The following KNL1 variants were observed in gnomAD, a reference collection of about 807,000 sequenced individuals.
KNL1 encodes kinetochore scaffold 1, also known as outer kinetochore KNL1 complex subunit KNL1.
In KNL1, 66 loss-of-function variants were observed where a neutral mutation model predicts 201.3. The ratio of observed to expected loss-of-function variants is 0.33; its 90% CI spans 0.27 to 0.40. The LOEUF is 0.40. Among genes scored for constraint, KNL1 ranks in the 10% least tolerant of loss-of-function variants. KNL1 has a pLI of 1.00. For missense variants in KNL1, 2,815 were observed against 2,690.5 expected (o/e 1.05, Z -1.02); for synonymous variants, 895 against 899.2 (o/e 1.00, Z 0.08).
intron 10 of KNL1, chr15:40,626,037 GA>G (rs1892743313): frequency 6.4e-6 from 1 of 156,212 alleles, no homozygotes. Context: ...TATATTTGGG[GA>G]GTAAAAAGCT....
rs1017930648 is a variant in KNL1, at chr15:40,620,803, C to G, written c.539C>G (p.Thr180Arg). 1.2e-6 allele frequency: 2 copies of G among 1,611,186 alleles called. No individual in the cohort carries two copies. The highest frequency in any genetic ancestry group is 1.7e-6 in the Non-Finnish European group (2 of 1,179,240). ...GAAAAGTCCACCAAGATAGATACCA[C>G]ATCATTTCTAGCTAATTTAAAGCTT... is the stretch of plus-strand genomic sequence containing the variant. ...ISEKSTKIDT[T>R]SFLANLKLHT... is the part of the protein sequence containing the mutation. Residue 180 changes from threonine to arginine, a missense_variant, in exon 10 of 26, where the codon ACA becomes AGA. This residue lies in a region of KNL1 where 2,464 missense variants were observed against 2,291.7 expected (regional missense o/e 1.08). Transcript: ENST00000399668.
intron 1 of KNL1, among the ~76,000 whole-genome samples, chr15:40,601,955 C>T (rs34824658): frequency 0.38 from 53,192 of 141,800 alleles, 10,634 homozygotes; most frequent in Non-Finnish European, 0.44. Context: ...GCAAGCTCCG[C>T]CTCAGCCTCC....
At chr15:40,613,653 C>G (rs1438279998) in intron 7 of KNL1, among the ~76,000 whole-genome samples, 1 of 152,110 alleles carries the variant, frequency 6.6e-6, no homozygotes, top group Non-Finnish European at 1.5e-5. Context: ...GTTGGCCAGA[C>G]TGGAGTATAA....
At chr15:40,638,972 C>T (rs1229374084) in intron 13 of KNL1, among the ~76,000 whole-genome samples, 16 of 150,676 alleles carry the variant, frequency 1.1e-4, no homozygotes, top group Admixed American at 1.3e-4. Flanking sequence ...CCACCACACC[C>T]GGCTAATTTT....
At chr15:40,614,101 CT>C (rs35400027) in intron 7 of KNL1, among the ~76,000 whole-genome samples, 216 of 132,520 alleles carry the variant, frequency 1.6e-3, no homozygotes, top group African/African-American at 3.5e-3. Context: ...CCTGGCCCCC[CT>C]TTTTTTTTTT....
intron 10 of KNL1, 124 bp downstream of exon 10, chr15:40,625,764 T>TA (rs1176962937): frequency 1.4e-6 from 1 of 695,728 alleles, no homozygotes; most frequent in East Asian, 2.7e-5. Flanking sequence ...TATTTCCACT[T>TA]AGAGGGCTGG....
At chr15:40,639,288 T>TA (rs1249027628) in intron 13 of KNL1, among the ~76,000 whole-genome samples, 189 of 141,268 alleles carry the variant, frequency 1.3e-3, no homozygotes, top group South Asian at 5.0e-3. Flanking sequence ...ACCCCATAAC[T>TA]AAAAAAAAAA....
At chr15:40,628,749 C>A in intron 12 of KNL1, 71 bp downstream of exon 12, 2 of 966,788 alleles carry the variant, frequency 2.1e-6, no homozygotes, top group Non-Finnish European at 3.1e-6. Context: ...TTCTAATACA[C>A]GTAATATTCT....
At chr15:40,600,406 T>G (rs1891756387) in intron 1 of KNL1, among the ~76,000 whole-genome samples, 1 of 152,186 alleles carries the variant, frequency 6.6e-6, no homozygotes, top group African/African-American at 2.4e-5. Flanking sequence ...GAGAATGGCA[T>G]GTAATCTTTC....
At position 40,628,070 on chromosome 15, in the gene KNL1, AT is replaced by A. The variant is rs1892803644; in HGVS notation, c.5382del (p.Phe1794LeufsTer9). On this transcript the variant is annotated frameshift_variant and splice_region_variant, in exon 11 of 26. Transcript: ENST00000399668. LOFTEE classifies it high-confidence loss of function. ...KFSDTTQDREIFDHHTEEDID... is the reference protein window; with the variant it reads ...KFSDTTQDREXFDHHTEEDID... ...GATATTCCTTAATTGACAATTTCAG[AT>A]TTTTGATCACCATACTGAAGAGGAT... The A allele has an allele frequency of 1.3e-6, 2 of 1,582,942 alleles. No individual in the cohort carries two copies. The highest frequency in any genetic ancestry group is 1.9e-5 in the Admixed American group (1 of 52,228).
In KNL1 at chr15:40,621,540, A is replaced by T; in HGVS notation, c.1276A>T (p.Lys426Ter). The T allele has an allele frequency of 6.2e-7, 1 of 1,611,956 alleles. No individual in the cohort carries two copies. Among genetic ancestry groups the T allele is most frequent in the Non-Finnish European group, 8.5e-7 (1 of 1,179,072 alleles). The change falls in exon 10 of 26, where the codon AAG (lysine) becomes TAG (stop). Residue 426 changes from lysine to a stop codon, truncating the protein, a stop_gained. Coordinates refer to ENST00000399668, the MANE Select transcript of KNL1 (RefSeq NM_144508.5). LOFTEE classifies it high-confidence loss of function. ...IYSNPSIQGC[K>*]TVFYSSCNDA... is the part of the protein sequence containing the mutation. ...TTCTAATCCATCTATTCAAGGTTGT[A>T]AGACTGTTTTCTATTCTAGTTGTAA...
chr15:40,615,310 A>G, intron 7 of KNL1, 31 bp from the exon 8 acceptor site: 1 of 615,198 alleles, frequency 1.6e-6, no homozygotes, highest in Non-Finnish European at 2.8e-6. Flanking sequence ...TGTTTGGGGT[A>G]TAGATTATAA....
At chr15:40,632,643 G>A (rs1004676744) in intron 13 of KNL1, among the ~76,000 whole-genome samples, 2 of 152,120 alleles carry the variant, frequency 1.3e-5, no homozygotes, top group East Asian at 1.9e-4. Flanking sequence ...CACAGAATGT[G>A]AGAAAACAGT....
rs763883332 is a variant in KNL1 at position 40,622,863 on chromosome 15, G to A, written c.2599G>A (p.Asp867Asn). The A allele has an allele frequency of 6.2e-7, 1 of 1,613,282 alleles. No homozygotes were observed. Among genetic ancestry groups the A allele is most frequent in the African/African-American group, 1.3e-5 (1 of 74,900 alleles). Reference protein sequence around the residue: ...KIDKTIVFSEDDKNDMDITKS... With the variant: ...KIDKTIVFSENDKNDMDITKS... ...TGATAAGACTATTGTATTTTCAGAA[G>A]ACGATAAGAATGATATGGATATCAC... is the stretch of plus-strand genomic sequence containing the variant. The change falls in exon 10 of 26, where the codon GAC becomes AAC. Residue 867 changes from aspartate to asparagine, a missense_variant. Coordinates refer to ENST00000399668, the MANE Select transcript of KNL1 (RefSeq NM_144508.5).
intron 1 of KNL1, among the ~76,000 whole-genome samples, chr15:40,595,114 A>G (rs1891585776): frequency 6.6e-6 from 1 of 152,242 alleles, no homozygotes; most frequent in South Asian, 2.1e-4. Flanking sequence ...GTGGATGAAG[A>G]CCAAAGCAGA....
At position 40,652,224 on chromosome 15, in the gene KNL1, A is replaced by T. The variant is rs996059348; in HGVS notation, c.6415+119A>T. ...TTGGCATGATGAGAGCACTGCTGAAAGTCTTAGAACAGTCACTTTATTGAT... is the reference window on the plus strand; with the variant it reads ...TTGGCATGATGAGAGCACTGCTGAATGTCTTAGAACAGTCACTTTATTGAT... On this transcript the variant is annotated intron_variant, in intron 21 of 25. Transcript: ENST00000399668. The T allele has an allele frequency of 9.4e-6, 5 of 530,322 alleles. No homozygotes were observed. The African/African-American group carries it at 9.5e-5, about 10-fold the overall frequency. The allele number at this position is 530,322 out of a possible 1,614,324, so 32.9% of individuals were successfully genotyped here. A position where few individuals can be genotyped will look rare whatever the true frequency, so the allele number is the denominator to read the frequency against.
chr15:40,615,509 C>A, intron 8 of KNL1, 131 bp downstream of exon 8: 1 of 276,174 alleles, frequency 3.6e-6, no homozygotes, highest in Non-Finnish European at 7.2e-6. Flanking sequence ...GTGCTCACGC[C>A]TGTAATCCCA....
intron 15 of KNL1, 68 bp downstream of exon 15, chr15:40,645,155 A>C (rs779316406): frequency 7.9e-5 from 83 of 1,051,412 alleles, no homozygotes; most frequent in Non-Finnish European, 1.1e-4. Context: ...TTGTGAAATG[A>C]GTAACTGTTA....
chr15:40,650,484 A>AT, intron 18 of KNL1, 60 bp from the exon 19 acceptor site: 1 of 1,556,178 alleles, frequency 6.4e-7, no homozygotes, highest in Middle Eastern at 1.8e-4. Context: ...AATAAAACAG[A>AT]TTTTTGTGGC....
Sources: gnomAD v4.1 joint callset for allele counts (sites outside exome capture counted in the v4.1 genomes callset) on GRCh38, gnomAD v4.1.1 for gene constraint, gnomAD v4.1.1 regional missense constraint, MANE v1.5 for transcripts, NCBI Gene and HGNC (gene_info 2026-07-23, HGNC 2026-07-21) for gene names.